Variants in FRYL observed in about 807,000 individuals in gnomAD.
The protein encoded by FRYL is FRY like transcription coactivator.
A neutral mutation model predicts 351.2 loss-of-function variants in FRYL; 150 were observed. That is an observed-to-expected ratio of 0.43 (90% confidence interval 0.37 to 0.49). The LOEUF (loss-of-function observed/expected upper bound fraction) is 0.49, where lower values mean the gene tolerates loss of function less well. Ranked by LOEUF, FRYL falls within the 20% of genes least tolerant of loss-of-function variation. The pLI is 0.00. For synonymous variants in FRYL, 1,153 were observed against 1,257.1 expected (o/e 0.92, Z 1.75); for missense variants, 3,036 against 3,619.3 (o/e 0.84, Z 4.13).
chr4:48,659,956 G>C (rs1342760499), intron 3 of FRYL, among the ~76,000 whole-genome samples: 2 of 146,346 alleles, frequency 1.4e-5, no homozygotes, highest in Admixed American at 6.9e-5. Flanking sequence ...AGAAGAAGAA[G>C]AAGAAGAAGA....
At chr4:48,685,973 T>G (rs537340880) in intron 2 of FRYL, among the ~76,000 whole-genome samples, 75 of 152,308 alleles carry the variant, frequency 4.9e-4, no homozygotes, top group Non-Finnish European at 9.4e-4. Flanking sequence ...TAGGCTGGTA[T>G]CCAACTCTTG....
chr4:48,748,304 A>C (rs1772885841), intron 1 of FRYL, among the ~76,000 whole-genome samples: 1 of 152,176 alleles, frequency 6.6e-6, no homozygotes, highest in African/African-American at 2.4e-5. Flanking sequence ...TCTGACATCC[A>C]TTCGCCACTC....
intron 1 of FRYL, among the ~76,000 whole-genome samples, chr4:48,717,847 T>C (rs1578821873): frequency 1.3e-5 from 2 of 151,562 alleles, no homozygotes; most frequent in African/African-American, 4.8e-5. Flanking sequence ...GGCCTTAAGT[T>C]GTACATTTTC....
chr4:48,668,772 A>G (rs1762182443), intron 3 of FRYL, among the ~76,000 whole-genome samples: 1 of 152,142 alleles, frequency 6.6e-6, no homozygotes. Flanking sequence ...CATACAAGAG[A>G]TTTCCACTCC....
chr4:48,515,275 C>G lies in FRYL; in HGVS notation c.7690G>C (p.Asp2564His), dbSNP rs200531264. Residue 2564 changes from aspartate (D) to histidine (H), a missense_variant and splice_region_variant, in exon 56 of 64, where the codon GAT becomes CAT. Physicochemically the swap from Asp to His is moderately conservative, Grantham distance 81. Transcript: ENST00000358350. ...TCCTCCTTTAATACTGAAGTTGTAT[C>G]CTACAAAACAATCATAGTTTTAGTG... ...LDNANSRLPE[D>H]TTSVLKEEHV... 6.3e-7 allele frequency: 1 copy of G among 1,592,900 alleles called. No homozygotes were observed. The highest frequency in any genetic ancestry group is 2.2e-5 in the East Asian group (1 of 44,692).
intron 63 of FRYL, 126 bp from the exon 64 acceptor site, chr4:48,499,806 GC>G: frequency 2.1e-6 from 2 of 960,052 alleles, no homozygotes; most frequent in Non-Finnish European, 3.1e-6. Context: ...TAATATTTGA[GC>G]AAATATTACT....
rs1232926814 is a variant in FRYL at position 48,590,821 on chromosome 4, T to C, written c.1345A>G (p.Ile449Val). ...TFTINPERMNIGLRVFLVIAD... is the reference protein window; with the variant it reads ...TFTINPERMNVGLRVFLVIAD... The stretch of plus-strand genomic sequence containing the variant: ...ATTACAAGGAAGACTCTGAGACCTA[T>C]GTTCATTCTCTTCAAAGGAAAAAAA... The change falls in exon 17 of 64, where the codon ATA (isoleucine) becomes GTA (valine). Residue 449 changes from isoleucine to valine, a missense_variant. Coordinates refer to ENST00000358350, the MANE Select transcript of FRYL (RefSeq NM_015030.2). 2 of 1,602,770 alleles carry C rather than the reference T, an allele frequency of 1.2e-6. No homozygotes were observed. Among genetic ancestry groups the C allele is most frequent in the Non-Finnish European group, 1.7e-6 (2 of 1,177,118 alleles).
chr4:48,705,600 G>A (rs1471135209), intron 2 of FRYL, among the ~76,000 whole-genome samples: 5 of 147,724 alleles, frequency 3.4e-5, no homozygotes, highest in East Asian at 1.9e-4. Flanking sequence ...GTACTTATAC[G>A]GAGAAGAAAA....
intron 28 of FRYL, among the ~76,000 whole-genome samples, chr4:48,565,958 G>A (rs988307724): frequency 6.6e-6 from 1 of 152,180 alleles, no homozygotes; most frequent in African/African-American, 2.4e-5. Context: ...AATGGCACAT[G>A]AAGGCTGGCA....
At chr4:48,702,070 T>C (rs1426016667) in intron 2 of FRYL, among the ~76,000 whole-genome samples, 1 of 152,172 alleles carries the variant, frequency 6.6e-6, no homozygotes, top group Non-Finnish European at 1.5e-5. Context: ...TTCCTTCTTT[T>C]ATAAGAAATT....
intron 36 of FRYL, among the ~76,000 whole-genome samples, chr4:48,552,244 G>GGTGTGT (rs67155390): frequency 0.012 from 1,783 of 145,336 alleles, 28 homozygotes; most frequent in African/African-American, 0.031. Flanking sequence ...AGTCCAAAGG[G>GGTGTGT]GTGTGTGTGT....
chr4:48,565,037 A>C lies in FRYL; in HGVS notation c.3337T>G (p.Ser1113Ala). The C allele has an allele frequency of 6.5e-7, 1 of 1,532,528 alleles. No homozygotes were observed. Among genetic ancestry groups the C allele is most frequent in the Admixed American group, 1.9e-5 (1 of 52,656 alleles). 94.9% of individuals were successfully genotyped at this position (1,532,528 alleles called of 1,614,324 possible). A position where few individuals can be genotyped will look rare whatever the true frequency, so the allele number is the denominator to read the frequency against. Reference protein sequence around the residue: ...RHQYCALKAMSAVLCCGPVAD... With the variant: ...RHQYCALKAMAAVLCCGPVAD... ...ACAGGGCCACAACACAGTACAGCAG[A>C]CATAGCCTTCAAATAATAATATTAG... The change falls in exon 30 of 64, where the codon TCT becomes GCT. Residue 1113 changes from serine (S) to alanine (A), a missense_variant. Ser to Ala is a moderately conservative substitution (Grantham distance 99). Coordinates refer to ENST00000358350, the MANE Select transcript of FRYL (RefSeq NM_015030.2).
intron 3 of FRYL, among the ~76,000 whole-genome samples, chr4:48,664,054 C>T (rs1037591236): frequency 3.3e-5 from 5 of 152,134 alleles, no homozygotes; most frequent in African/African-American, 4.8e-5. Context: ...AAGAATGAAT[C>T]TTTATGCTCA....
At chr4:48,743,464 C>G (rs1056538219) in intron 1 of FRYL, among the ~76,000 whole-genome samples, 14 of 152,068 alleles carry the variant, frequency 9.2e-5, no homozygotes, top group African/African-American at 3.4e-4. Context: ...GATAGGGAAA[C>G]TTACAGCCCA....
Position 48,544,896 on chromosome 4 carries a change from C to T in FRYL, c.5288G>A (p.Gly1763Glu). The T allele has an allele frequency of 6.3e-7, 1 of 1,599,956 alleles. No individual in the cohort carries two copies. Among genetic ancestry groups the T allele is most frequent in the Non-Finnish European group, 8.5e-7 (1 of 1,175,598 alleles). The change falls in exon 43 of 64, where the codon GGG becomes GAG. Residue 1763 changes from glycine (G) to glutamate (E), a missense_variant. Around this residue, in one of 7 missense-constraint regions of FRYL, gnomAD observed 1,987 missense variants for 2,311.7 expected, o/e 0.86. Transcript: ENST00000358350. ...LMEFITSRKR[G>E]PLWNHEDVSA... ...AACATCCTCATGGTTCCAAAGGGGC[C>T]CTCTTTTTCTGAAAACAGAGAACAG...
chr4:48,690,293 T>C (rs1182878798), intron 2 of FRYL, among the ~76,000 whole-genome samples: 3 of 152,132 alleles, frequency 2.0e-5, no homozygotes, highest in Admixed American at 6.6e-5. Flanking sequence ...CAACCCTCAA[T>C]AGAATGTTTT....
At chr4:48,669,578 A>G (rs1762301026) in intron 3 of FRYL, among the ~76,000 whole-genome samples, 1 of 149,128 alleles carries the variant, frequency 6.7e-6, no homozygotes, top group African/African-American at 2.4e-5. Context: ...TATATAAAGG[A>G]TATATATGTA....
chr4:48,514,069 GAT>G (rs1337719815), intron 56 of FRYL, among the ~76,000 whole-genome samples: 2 of 152,030 alleles, frequency 1.3e-5, no homozygotes, highest in Admixed American at 6.5e-5. Context: ...AAGTATTCTT[GAT>G]ATGTTGATGG....
At chr4:48,641,835 A>G (rs1308623880) in intron 3 of FRYL, among the ~76,000 whole-genome samples, 6 of 152,192 alleles carry the variant, frequency 3.9e-5, no homozygotes. Flanking sequence ...TTTTGGTTAT[A>G]TCTTCTAATT....
Sources: allele counts gnomAD v4.1 joint callset (sites outside exome capture counted in the v4.1 genomes callset), GRCh38; gene constraint gnomAD v4.1.1; regional missense constraint gnomAD v4.1.1; transcripts MANE v1.5; gene names NCBI Gene and HGNC (gene_info 2026-07-23, HGNC 2026-07-21).